The following PRDX1 variants were observed in gnomAD, a reference collection of about 807,000 sequenced individuals.
PRDX1 encodes the protein peroxiredoxin-1.
In PRDX1, 19 loss-of-function variants were observed where a neutral mutation model predicts 20.7. That is an observed-to-expected ratio of 0.92 (90% CI 0.64 to 1.35). The LOEUF (loss-of-function observed/expected upper bound fraction) is 1.35, where lower values mean the gene tolerates loss of function less well. Ranked by LOEUF, PRDX1 falls within the 40% of genes most tolerant of loss-of-function variation. The pLI is 0.00. For missense variants in PRDX1, 226 were observed against 240.0 expected (o/e 0.94, Z 0.38); for synonymous variants, 89 against 83.9 (o/e 1.06, Z -0.33).
chr1:45,515,359 G>A (rs1341724607), intron 3 of PRDX1, among the ~76,000 whole-genome samples: 1 of 152,066 alleles, frequency 6.6e-6, no homozygotes, highest in Non-Finnish European at 1.5e-5. Context: ...CAGCACTTTG[G>A]GAGGCTGAGG....
intron 5 of PRDX1, chr1:45,513,487 C>A (rs1354968433): frequency 6.6e-6 from 1 of 152,242 alleles, no homozygotes; most frequent in African/African-American, 2.4e-5. Context: ...GCTTCTGTTC[C>A]TACTATCTTT....
chr1:45,514,500 G>A lies in PRDX1; in HGVS notation c.514+7C>T. On this transcript the variant is annotated splice_region_variant and intron_variant, in intron 5 of 5. Coordinates refer to ENST00000319248, the MANE Select transcript of PRDX1 (RefSeq NM_181697.3). ...TCTGTTGTCCTGTTATCAGACAGAT[G>A]GCTTACCTTCCCCATGTTTGTCAGT... 6.2e-7 allele frequency: 1 copy of A among 1,613,996 alleles called. No homozygotes were observed. Among genetic ancestry groups the A allele is most frequent in the South Asian group, 1.1e-5 (1 of 91,068 alleles).
intron 2 of PRDX1, among the ~76,000 whole-genome samples, chr1:45,516,922 G>C (rs1396949684): frequency 6.6e-6 from 1 of 151,564 alleles, no homozygotes; most frequent in Non-Finnish European, 1.5e-5. Flanking sequence ...TGGGGAGGCT[G>C]AGCCAGGAGA....
intron 3 of PRDX1, 57 bp from the exon 4 acceptor site, chr1:45,515,052 T>C: frequency 6.3e-7 from 1 of 1,588,804 alleles, no homozygotes; most frequent in Middle Eastern, 1.7e-4. Context: ...ACTGTACGCA[T>C]TCCTCTTTCC....
At chr1:45,519,125 A>G (rs1643886863) in intron 1 of PRDX1, 71 bp from the exon 2 acceptor site, 2 of 1,066,664 alleles carry the variant, frequency 1.9e-6, no homozygotes, top group Non-Finnish European at 2.8e-6. Flanking sequence ...CACCTACTTA[A>G]AGAGACTTAG....
At position 45,515,731 on chromosome 1, in the gene PRDX1, A is replaced by G. The variant is rs1643849681; in HGVS notation, c.183T>C (p.Asp61=). ...TGAGTTTCTTAAATTCTTCTGCCCT[A>G]TCACTGAAAGCAATGATCTCCGTGG... The part of the protein sequence containing the change: ...VCPTEIIAFS[D]RAEEFKKLNC... The change falls in exon 3 of 6, where the codon GAT becomes GAC. Residue 61 remains aspartate (D), a synonymous_variant. Coordinates refer to ENST00000319248, the MANE Select transcript of PRDX1 (RefSeq NM_181697.3). The G allele has an allele frequency of 1.9e-6, 3 of 1,606,962 alleles. No homozygotes were observed. Among genetic ancestry groups the G allele is most frequent in the Non-Finnish European group, 2.5e-6 (3 of 1,178,044 alleles).
chr1:45,515,259 C>A (rs1417818911), intron 3 of PRDX1, among the ~76,000 whole-genome samples: 1 of 152,092 alleles, frequency 6.6e-6, no homozygotes, highest in East Asian at 1.9e-4. Flanking sequence ...AATGAGAAGG[C>A]AATACTTGAA....
rs1441321410 is a variant in PRDX1, at chr1:45,514,872, C to G, written c.383+1G>C. 6.2e-7 allele frequency: 1 copy of G among 1,614,100 alleles called. No individual in the cohort carries two copies. The highest frequency in any genetic ancestry group is 1.1e-5 in the South Asian group (1 of 91,076). ...ACTGGATACTTGTCCTGATGACATA[C>G]CTGAACGAGATGCCTTCATCAGCCT... On this transcript the variant is annotated splice_donor_variant, in intron 4 of 5. Transcript: ENST00000319248. LOFTEE classifies it high-confidence loss of function.
chr1:45,516,873 T>C (rs1402317304), intron 2 of PRDX1, among the ~76,000 whole-genome samples: 1 of 151,706 alleles, frequency 6.6e-6, no homozygotes, highest in Non-Finnish European at 1.5e-5. Flanking sequence ...ATACAAAAAT[T>C]AGCTGGGTGT....
chr1:45,514,701 G>C, intron 4 of PRDX1, 64 bp from the exon 5 acceptor site: 1 of 1,601,856 alleles, frequency 6.2e-7, no homozygotes, highest in South Asian at 1.1e-5. Flanking sequence ...AGAATACAGA[G>C]GCTTGAAGCC....
intron 2 of PRDX1, among the ~76,000 whole-genome samples, chr1:45,516,720 G>A (rs1379036462): frequency 1.3e-5 from 2 of 152,042 alleles, no homozygotes; most frequent in Non-Finnish European, 2.9e-5. Flanking sequence ...AAGTCAAACA[G>A]GCTGGGTGTG....
chr1:45,511,119 A>C lies in PRDX1; in HGVS notation c.*210T>G, dbSNP rs1643734649. 1 of 489,970 alleles carries C rather than the reference A, an allele frequency of 2.0e-6. No individual in the cohort carries two copies. Among genetic ancestry groups the C allele is most frequent in the Non-Finnish European group, 3.6e-6 (1 of 276,510 alleles). The allele number at this position is 489,970 out of a possible 1,614,324, so 30.4% of individuals were successfully genotyped here. ...GCTCTACTAATACATCATACAAACC[A>C]GTAGCCTGCCCACAACGCCAACTCA... On this transcript the variant is annotated 3_prime_UTR_variant, in exon 6 of 6. Coordinates refer to ENST00000319248, the MANE Select transcript of PRDX1 (RefSeq NM_181697.3).
At chr1:45,522,254 C>T (rs1193285130), upstream of PRDX1, among the ~76,000 whole-genome samples, 1 of 152,190 alleles carries the variant, frequency 6.6e-6, no homozygotes, top group Non-Finnish European at 1.5e-5. Context: ...CGGAGGACCA[C>T]GTCTAACCAC....
intron 3 of PRDX1, among the ~76,000 whole-genome samples, chr1:45,515,275 A>C (rs1643837447): frequency 6.6e-6 from 1 of 152,154 alleles, no homozygotes; most frequent in South Asian, 2.1e-4. Flanking sequence ...TTGAAAGTCT[A>C]TTGCCAAAGC....
intron 5 of PRDX1, chr1:45,511,999 G>A (rs1001774683): frequency 1.3e-5 from 2 of 150,794 alleles, no homozygotes; most frequent in African/African-American, 4.9e-5. Context: ...ACCTTTTCCT[G>A]ACAATGCCTA....
chr1:45,517,127 C>T (rs1425591024), intron 2 of PRDX1, among the ~76,000 whole-genome samples: 1 of 151,734 alleles, frequency 6.6e-6, no homozygotes, highest in Non-Finnish European at 1.5e-5. Flanking sequence ...CTTTGCCTAA[C>T]AAGCACTTTG....
chr1:45,520,205 C>CAAATAAAAAAAAAAA (rs1643896993), intron 1 of PRDX1, among the ~76,000 whole-genome samples: 1 of 91,036 alleles, frequency 1.1e-5, no homozygotes, highest in African/African-American at 4.6e-5. Flanking sequence ...ACTCTGTCTC[C>CAAATAAAAAAAAAAA]AAAAAAAAAA....
intron 2 of PRDX1, among the ~76,000 whole-genome samples, chr1:45,518,467 C>A (rs1372068961): frequency 2.8e-3 from 135 of 47,962 alleles, no homozygotes; most frequent in South Asian, 4.3e-3. Context: ...AACTCCATCT[C>A]AAAAAAAAAA....
In PRDX1 at chr1:45,514,997, T is replaced by C. The variant is rs759036290; in HGVS notation, c.261-2A>G. ...CCTTGTTTCTTAGGTGTATTGACCC[T>C]ATGGCAAAAGGCAAACATACAGTTA... On this transcript the variant is annotated splice_acceptor_variant, in intron 3 of 5. Transcript: ENST00000319248. LOFTEE classifies it high-confidence loss of function. 5 of 1,613,716 alleles carry C rather than the reference T, an allele frequency of 3.1e-6. No individual in the cohort carries two copies. The highest frequency in any genetic ancestry group is 4.2e-6 in the Non-Finnish European group (5 of 1,179,904).
Sources: gnomAD v4.1 joint callset for allele counts (sites outside exome capture counted in the v4.1 genomes callset) on GRCh38, gnomAD v4.1.1 for gene constraint, MANE v1.5 for transcripts, NCBI Gene and HGNC (gene_info 2026-07-23, HGNC 2026-07-21) for gene names.